PTDSS1: variants seen among roughly 807,000 people sequenced by gnomAD.
The protein encoded by PTDSS1 is PSS-1.
In PTDSS1, 45 loss-of-function variants were observed where a neutral mutation model predicts 70.5. The observed-to-expected ratio is 0.64, with a 90% confidence interval of 0.50 to 0.82. The LOEUF (loss-of-function observed/expected upper bound fraction) is 0.82. Ranked by LOEUF, PTDSS1 falls within the 40% of genes least tolerant of loss-of-function variation. The pLI is 0.00. For missense variants in PTDSS1, 417 were observed against 586.1 expected, an observed-to-expected ratio of 0.71 and a Z score of 2.98; for synonymous variants, 188 against 203.8, an observed-to-expected ratio of 0.92 and a Z score of 0.66.
intron 7 of PTDSS1, 97 bp downstream of exon 7, chr8:96,304,278 A>G: frequency 1.5e-6 from 2 of 1,348,898 alleles, no homozygotes; most frequent in South Asian, 2.9e-5. Context: ...ATTGCTTTTC[A>G]GCTCCATACT....
At chr8:96,324,074 G>A (rs187029696) in intron 10 of PTDSS1, among the ~76,000 whole-genome samples, 1 of 152,292 alleles carries the variant, frequency 6.6e-6, no homozygotes. Flanking sequence ...ATTCAGCCAA[G>A]GTCTTTGCTA....
chr8:96,262,369 G>A lies in PTDSS1; in HGVS notation c.179+150G>A, dbSNP rs1213418030. ...CGCACTGGCAGCCCGCCGCCCACGC[G>A]GCCCCTCCGCCCGCCCGGTGTCTCA... On this transcript the variant is annotated intron_variant, in intron 1 of 12. Coordinates refer to ENST00000517309, the MANE Select transcript of PTDSS1 (RefSeq NM_014754.3). This position sits in a 1 kb window ranked among gnomAD's most constrained non-coding sequence, Gnocchi z 4.4. 3 of 1,083,070 alleles carry A rather than the reference G, an allele frequency of 2.8e-6. No individual in the cohort carries two copies. The highest frequency in any genetic ancestry group is 3.8e-6 in the Non-Finnish European group (3 of 779,256). The allele number at this position is 1,083,070 out of a possible 1,614,324, so 67.1% of individuals were successfully genotyped here. A position where few individuals can be genotyped will look rare whatever the true frequency, so the allele number is the denominator to read the frequency against.
intron 10 of PTDSS1, among the ~76,000 whole-genome samples, chr8:96,325,540 G>A (rs950907756): frequency 6.6e-6 from 1 of 152,000 alleles, no homozygotes; most frequent in Non-Finnish European, 1.5e-5. Flanking sequence ...ATCACTCTTC[G>A]AATCAGCCAG....
intron 1 of PTDSS1, among the ~76,000 whole-genome samples, chr8:96,265,571 C>G (rs544892982): frequency 1.3e-5 from 2 of 152,054 alleles, no homozygotes; most frequent in East Asian, 3.9e-4. Context: ...TGGTGTAACC[C>G]TATCTCTACA....
intron 6 of PTDSS1, among the ~76,000 whole-genome samples, chr8:96,300,083 A>C (rs1046406426): frequency 1.3e-5 from 2 of 151,980 alleles, no homozygotes; most frequent in Admixed American, 1.3e-4. Context: ...CCATCCTCCT[A>C]ATTCAAAAGA....
chr8:96,311,350 T>A (rs1811209799), intron 9 of PTDSS1, among the ~76,000 whole-genome samples: 1 of 152,104 alleles, frequency 6.6e-6, no homozygotes, highest in African/African-American at 2.4e-5. Flanking sequence ...GGAAAACCCA[T>A]TATAGAGAAG....
At chr8:96,273,219 A>G (rs1563561141) in intron 1 of PTDSS1, 80 bp from the exon 2 acceptor site, 2 of 1,024,758 alleles carry the variant, frequency 2.0e-6, no homozygotes, top group Non-Finnish European at 2.8e-6. Flanking sequence ...CCCAGTTTTT[A>G]GAACATGGAA....
intron 7 of PTDSS1, among the ~76,000 whole-genome samples, chr8:96,306,016 C>A (rs577271755): frequency 4.2e-4 from 64 of 152,310 alleles, no homozygotes; most frequent in African/African-American, 1.5e-3. Context: ...GCTTACTTAT[C>A]TACATTTGGA....
At position 96,320,624 on chromosome 8, in the gene PTDSS1, T is replaced by C. The variant is rs7000443; in HGVS notation, c.1173+279T>C. Among the ~76,000 whole-genome samples the C allele has an allele frequency of 0.88, 133,231 of 152,204 alleles. 58,904 individuals carry two copies. The highest frequency in any genetic ancestry group is 0.94 in the Non-Finnish European group (64,093 of 68,038). ...CTTGACTCACGAGAATTTGTCTGCA[T>C]GTGCTATGCATTTAGGGACCACCAT... is the stretch of plus-strand genomic sequence containing the variant. On this transcript the variant is annotated intron_variant, in intron 10 of 12. Transcript: ENST00000517309.
rs932707164 is a variant in PTDSS1 at position 96,303,912 on chromosome 8, A to AT, written c.753-127dup. 5.7e-6 allele frequency: 6 copies of AT among 1,058,504 alleles called. No individual in the cohort carries two copies. The African/African-American group carries it at 9.8e-5, about 17-fold the overall frequency. The allele number at this position is 1,058,504 out of a possible 1,614,324, so 65.6% of individuals were successfully genotyped here. ...GAGAGACCTTTGAGACACAATTCAA[A>AT]TAAAAAGCAGTCTCTTTGTCCTGAG... On this transcript the variant is annotated intron_variant, in intron 6 of 12. Transcript: ENST00000517309.
chr8:96,327,928 G>A (rs901380352), intron 10 of PTDSS1, among the ~76,000 whole-genome samples: 1 of 152,138 alleles, frequency 6.6e-6, no homozygotes, highest in Admixed American at 6.5e-5. Context: ...ATTTCCACAG[G>A]TGTGATTGCA....
chr8:96,264,962 A>C (rs1455773059), intron 1 of PTDSS1, among the ~76,000 whole-genome samples: 1 of 152,234 alleles, frequency 6.6e-6, no homozygotes, highest in African/African-American at 2.4e-5. Flanking sequence ...TTTATATAAA[A>C]TCATAAGCAC....
chr8:96,284,594 T>C (rs1810794897), intron 3 of PTDSS1, among the ~76,000 whole-genome samples: 1 of 152,202 alleles, frequency 6.6e-6, no homozygotes, highest in African/African-American at 2.4e-5. Context: ...AGAGAAAGAC[T>C]TCTGACAAAG....
chr8:96,274,400 A>G (rs1025301533), intron 2 of PTDSS1, among the ~76,000 whole-genome samples: 2 of 152,030 alleles, frequency 1.3e-5, no homozygotes. Flanking sequence ...ATTTTGTCCT[A>G]TTTTTTGAGA....
intron 10 of PTDSS1, among the ~76,000 whole-genome samples, chr8:96,329,828 G>T (rs111296042): frequency 1.8e-3 from 269 of 152,254 alleles, no homozygotes; most frequent in African/African-American, 6.3e-3. Flanking sequence ...TCCTCTTAGC[G>T]CTCTCCTGTG....
chr8:96,334,978 A>G lies in PTDSS1; in HGVS notation c.*1412A>G, dbSNP rs1811574962. 1 of 152,180 alleles carries G rather than the reference A, an allele frequency of 6.6e-6. No individual in the cohort carries two copies. The highest frequency in any genetic ancestry group is 2.4e-5 in the African/African-American group (1 of 41,450). The allele number at this position is 152,180 out of a possible 1,614,324, so 9.4% of individuals were successfully genotyped here. A position where few individuals can be genotyped will look rare whatever the true frequency, so the allele number is the denominator to read the frequency against. On this transcript the variant is annotated 3_prime_UTR_variant, in exon 13 of 13. Transcript: ENST00000517309. ...GTGTCACTTTTTTTTTTTCTGCAAA[A>G]GAATTCCAAGATGAACGGGTTGAAT...
intron 2 of PTDSS1, 140 bp downstream of exon 2, chr8:96,273,530 A>G (rs2130007623): frequency 3.1e-6 from 2 of 641,868 alleles, no homozygotes; most frequent in East Asian, 2.9e-5. Flanking sequence ...CTGGAGGCAG[A>G]CTGCCCATTC....
rs372668207 is a variant in PTDSS1 at position 96,287,019 on chromosome 8, C to T, written c.317-3C>T. The T allele has an allele frequency of 1.9e-6, 3 of 1,613,948 alleles. No individual in the cohort carries two copies. Among genetic ancestry groups the T allele is most frequent in the Admixed American group, 1.7e-5 (1 of 60,032 alleles). Reference sequence around the variant, plus strand: ...AACTTCAGCATGTTTTTGTTTCTCTCAGGACTCAGTGTGCTCTACTTCCTG... The same window carrying T: ...AACTTCAGCATGTTTTTGTTTCTCTTAGGACTCAGTGTGCTCTACTTCCTG... On this transcript the variant is annotated splice_region_variant and splice_polypyrimidine_tract_variant and intron_variant, in intron 3 of 12. Transcript: ENST00000517309.
intron 2 of PTDSS1, among the ~76,000 whole-genome samples, chr8:96,279,544 C>T (rs992664769): frequency 1.3e-5 from 2 of 151,782 alleles, no homozygotes; most frequent in African/African-American, 2.4e-5. Flanking sequence ...TCCAGCCCAG[C>T]GTAGTGGCTC....
Sources: gnomAD v4.1 joint callset for allele counts (sites outside exome capture counted in the v4.1 genomes callset) on GRCh38, gnomAD v4.1.1 for gene constraint, Gnocchi (gnomAD v3.1) non-coding constraint, MANE v1.5 for transcripts, NCBI Gene and HGNC (gene_info 2026-07-23, HGNC 2026-07-21) for gene names.